Variants in SYNPR observed in about 807,000 individuals in gnomAD.
SYNPR encodes the protein synaptoporin.
Under a neutral mutation model 32.9 loss-of-function variants are expected in SYNPR, and 23 were observed. The observed-to-expected ratio is 0.70, with a 90% CI of 0.50 to 0.99. The LOEUF (loss-of-function observed/expected upper bound fraction) is 0.99. Among genes scored for constraint, SYNPR ranks in the 50% least tolerant of loss-of-function variants. The pLI, the probability that SYNPR is intolerant of heterozygous loss-of-function variation, is 0.00. For synonymous variants in SYNPR, 146 were observed against 135.9 expected (o/e 1.07, Z -0.52); for missense variants, 318 against 349.3 (o/e 0.91, Z 0.71).
intron 2 of SYNPR, among the ~76,000 whole-genome samples, chr3:63,453,105 C>T (rs543852934): frequency 6.6e-6 from 1 of 152,202 alleles, no homozygotes; most frequent in East Asian, 1.9e-4. Context: ...TTGGAATCTA[C>T]GTTTTAATGA....
At chr3:63,571,988 A>G (rs984183473) in intron 4 of SYNPR, among the ~76,000 whole-genome samples, 1 of 152,172 alleles carries the variant, frequency 6.6e-6, no homozygotes, top group Non-Finnish European at 1.5e-5. Flanking sequence ...CACAGAGCAG[A>G]CATTCAGTAA....
intron 3 of SYNPR, among the ~76,000 whole-genome samples, chr3:63,544,109 G>A (rs1702356182): frequency 6.6e-6 from 1 of 152,024 alleles, no homozygotes. Context: ...TCTGATTTAT[G>A]CTTTTGAAAG....
At chr3:63,481,384 C>T (rs959639222) in intron 3 of SYNPR, among the ~76,000 whole-genome samples, 8 of 150,926 alleles carry the variant, frequency 5.3e-5, no homozygotes, top group African/African-American at 2.0e-4. Flanking sequence ...ACTGAGTATC[C>T]AAGAGGATCT....
At chr3:63,377,317 G>A (rs967916908) in intron 2 of SYNPR, among the ~76,000 whole-genome samples, 1 of 152,014 alleles carries the variant, frequency 6.6e-6, no homozygotes, top group Admixed American at 6.6e-5. Context: ...AGGCTCTTGA[G>A]GCTTAAATAG....
At chr3:63,285,756 T>G (rs2106924024) in intron 2 of SYNPR, among the ~76,000 whole-genome samples, 1 of 152,326 alleles carries the variant, frequency 6.6e-6, no homozygotes. Flanking sequence ...TTTTACTAGC[T>G]TTGTTACCTT....
intron 3 of SYNPR, among the ~76,000 whole-genome samples, chr3:63,513,444 G>A (rs144127244): frequency 5.9e-5 from 9 of 152,092 alleles, no homozygotes; most frequent in South Asian, 2.1e-4. Flanking sequence ...ATCAATTCAC[G>A]TAGATCCCAC....
chr3:63,389,172 C>G (rs2088097229), intron 2 of SYNPR, among the ~76,000 whole-genome samples: 1 of 152,116 alleles, frequency 6.6e-6, no homozygotes, highest in African/African-American at 2.4e-5. Context: ...AACAAACTTG[C>G]ACATCCTGCA....
At chr3:63,435,849 A>C (rs946921167) in intron 2 of SYNPR, among the ~76,000 whole-genome samples, 4 of 152,222 alleles carry the variant, frequency 2.6e-5, no homozygotes, top group Non-Finnish European at 2.9e-5. Context: ...ATTAAGAAAT[A>C]TGTCAGAGTA....
intron 2 of SYNPR, among the ~76,000 whole-genome samples, chr3:63,425,417 A>G (rs1273869367): frequency 6.6e-6 from 1 of 152,222 alleles, no homozygotes; most frequent in Non-Finnish European, 1.5e-5. Flanking sequence ...ATGGGTATAC[A>G]TGCTACAAAT....
At chr3:63,490,132 T>C (rs746881751) in intron 3 of SYNPR, among the ~76,000 whole-genome samples, 5 of 151,908 alleles carry the variant, frequency 3.3e-5, no homozygotes, top group Non-Finnish European at 5.9e-5. Context: ...CTGAAAGAAT[T>C]AGGAGAGGGA....
chr3:63,479,111 T>C (rs1462811977), intron 2 of SYNPR, among the ~76,000 whole-genome samples: 1 of 152,158 alleles, frequency 6.6e-6, no homozygotes, highest in African/African-American at 2.4e-5. Flanking sequence ...CATCAAATCC[T>C]GTGCAACGAA....
intron 2 of SYNPR, among the ~76,000 whole-genome samples, chr3:63,285,031 C>T (rs1290468595): frequency 2.0e-5 from 3 of 152,194 alleles, no homozygotes; most frequent in Non-Finnish European, 4.4e-5. Flanking sequence ...AAATGCTACA[C>T]TCCTGCTTTT....
At chr3:63,561,610 T>A (rs1191613085) in intron 4 of SYNPR, 1 of 152,186 alleles carries the variant, frequency 6.6e-6, no homozygotes, top group Non-Finnish European at 1.5e-5. Flanking sequence ...GGATTTTATT[T>A]TATTTGCCTC....
At chr3:63,473,717 G>A (rs185878903) in intron 2 of SYNPR, among the ~76,000 whole-genome samples, 45 of 152,226 alleles carry the variant, frequency 3.0e-4, no homozygotes, top group Admixed American at 1.3e-3. Flanking sequence ...GAAACCCTTC[G>A]TGCAAACCAT....
intron 2 of SYNPR, among the ~76,000 whole-genome samples, chr3:63,448,985 G>A (rs1173574014): frequency 2.6e-5 from 4 of 152,170 alleles, no homozygotes; most frequent in Admixed American, 2.6e-4. Flanking sequence ...GAAATGGAGT[G>A]GTAGGAAGCA....
At chr3:63,460,479 C>G (rs556821538) in intron 2 of SYNPR, among the ~76,000 whole-genome samples, 6 of 141,584 alleles carry the variant, frequency 4.2e-5, no homozygotes, top group African/African-American at 1.6e-4. Flanking sequence ...CAGAAAGCCT[C>G]TTTGGTTTTT....
intron 4 of SYNPR, among the ~76,000 whole-genome samples, chr3:63,605,302 G>A (rs1043384006): frequency 6.6e-6 from 1 of 152,180 alleles, no homozygotes; most frequent in Non-Finnish European, 1.5e-5. Context: ...GATAAGAAAG[G>A]AATTCTGGGC....
intron 3 of SYNPR, among the ~76,000 whole-genome samples, chr3:63,270,001 T>C (rs1439837377): frequency 6.6e-6 from 1 of 152,190 alleles, no homozygotes; most frequent in Non-Finnish European, 1.5e-5. Flanking sequence ...TTAAGATAAC[T>C]GTAGTAAAAC....
At chr3:63,546,739 C>A (rs1465556155) in intron 3 of SYNPR, among the ~76,000 whole-genome samples, 2 of 151,908 alleles carry the variant, frequency 1.3e-5, no homozygotes, top group Non-Finnish European at 2.9e-5. Context: ...CCTATGGAGA[C>A]AATAAACTTT....
Sources: allele counts gnomAD v4.1 joint callset (sites outside exome capture counted in the v4.1 genomes callset), GRCh38; gene constraint gnomAD v4.1.1; transcripts MANE v1.5; gene names NCBI Gene and HGNC (gene_info 2026-07-23, HGNC 2026-07-21).